BICD1: variants seen among roughly 807,000 people sequenced by gnomAD.
The protein encoded by BICD1 is protein bicaudal D homolog 1.
Under a neutral mutation model 92.5 loss-of-function variants are expected in BICD1, and 35 were observed. That is an observed-to-expected ratio of 0.38 (90% CI 0.29 to 0.50). The LOEUF is 0.50. Ranked by LOEUF, BICD1 falls within the 20% of genes least tolerant of loss-of-function variation. BICD1 has a pLI of 0.93. For missense variants in BICD1, 950 were observed against 1,189.8 expected, an observed-to-expected ratio of 0.80 and a Z score of 2.97; for synonymous variants, 429 against 465.1, an observed-to-expected ratio of 0.92 and a Z score of 1.00.
At chr12:32,188,249 C>T (rs952718487) in intron 1 of BICD1, among the ~76,000 whole-genome samples, 1 of 152,074 alleles carries the variant, frequency 6.6e-6, no homozygotes, top group African/African-American at 2.4e-5. Context: ...ACTATAAATG[C>T]AATTTTATTT....
chr12:32,150,569 T>C (rs1278271546), intron 1 of BICD1, among the ~76,000 whole-genome samples: 3 of 152,196 alleles, frequency 2.0e-5, no homozygotes, highest in African/African-American at 4.8e-5. Flanking sequence ...TCTTTTTAGC[T>C]TTACAAATGC....
intron 2 of BICD1, among the ~76,000 whole-genome samples, chr12:32,249,827 G>A (rs1323535216): frequency 6.6e-6 from 1 of 151,844 alleles, no homozygotes; most frequent in Non-Finnish European, 1.5e-5. Flanking sequence ...ATTTGCAAGT[G>A]ATTTTATTGC....
At chr12:32,188,008 G>T (rs932313194) in intron 1 of BICD1, among the ~76,000 whole-genome samples, 1 of 151,550 alleles carries the variant, frequency 6.6e-6, no homozygotes, top group Admixed American at 6.6e-5. Context: ...GCACGATCTC[G>T]GCTCACTGCA....
In BICD1 at chr12:32,191,103, G is replaced by A. The variant is rs73297258; in HGVS notation, c.214-25144G>A. On this transcript the variant is annotated intron_variant, in intron 1 of 9. Transcript: ENST00000652176. ...CAGCAAAAGCAATTCTAAGAGGGAA[G>A]TTTAGAGGGATAAAGGCCTACATTC... Among the ~76,000 whole-genome samples, 183 of 152,264 alleles carry A rather than the reference G, an allele frequency of 1.2e-3. 1 individual carries two copies. The highest frequency in any genetic ancestry group is 4.4e-3 in the African/African-American group (182 of 41,540).
chr12:32,134,499 T>C (rs1942661468), intron 1 of BICD1, among the ~76,000 whole-genome samples: 1 of 152,084 alleles, frequency 6.6e-6, no homozygotes, highest in Non-Finnish European at 1.5e-5. Context: ...AAAAAGACCT[T>C]CTCTAATGTC....
At chr12:32,137,158 A>G (rs1270320) in intron 1 of BICD1, among the ~76,000 whole-genome samples, 150,233 of 152,286 alleles carry the variant, frequency 0.99, 74,145 homozygotes, top group Middle Eastern at 1. Flanking sequence ...GTGTGATTTC[A>G]GCTCACTGCA....
intron 4 of BICD1, among the ~76,000 whole-genome samples, chr12:32,320,597 C>A (rs768870066): frequency 6.6e-6 from 1 of 152,040 alleles, no homozygotes; most frequent in Non-Finnish European, 1.5e-5. Flanking sequence ...TCCAAGATCA[C>A]GCCACTGCAC....
Position 32,137,659 on chromosome 12 carries a change from G to T in BICD1, c.213+30115G>T, listed in dbSNP as rs377097350. Among the ~76,000 whole-genome samples, 75 of 152,112 alleles carry T rather than the reference G, an allele frequency of 4.9e-4. No homozygotes were observed. The South Asian group carries it at 0.015, about 31-fold the overall frequency. ...TACTGTATCATAATAATACTTAGTC[G>T]TATCAGTTTGATTAAATGCCTCCTT... On this transcript the variant is annotated intron_variant, in intron 1 of 9. Coordinates refer to ENST00000652176, the MANE Select transcript of BICD1 (RefSeq NM_001714.4).
At position 32,379,239 on chromosome 12, in the gene BICD1, A is replaced by C. The variant is rs1312371968; in HGVS notation, c.*1612A>C. 1 of 152,246 alleles carries C rather than the reference A, an allele frequency of 6.6e-6. No homozygotes were observed. The highest frequency in any genetic ancestry group is 1.5e-5 in the Non-Finnish European group (1 of 68,070). The allele number at this position is 152,246 out of a possible 1,614,324, so 9.4% of individuals were successfully genotyped here. On this transcript the variant is annotated 3_prime_UTR_variant, in exon 10 of 10. Transcript: ENST00000652176. ...ATTGAGCGGACATGGGTGGCACAGA[A>C]ATGGAGTGGTCCATCAGAGACCAAA...
At chr12:32,287,786 C>T (rs548798626) in intron 2 of BICD1, among the ~76,000 whole-genome samples, 1 of 152,208 alleles carries the variant, frequency 6.6e-6, no homozygotes, top group Non-Finnish European at 1.5e-5. Context: ...ATCCGCCCGC[C>T]TCGGCCTCCC....
intron 1 of BICD1, among the ~76,000 whole-genome samples, chr12:32,117,711 T>TACACACACACAC (rs747943737): frequency 5.1e-4 from 60 of 117,026 alleles, no homozygotes; most frequent in African/African-American, 1.3e-3. Flanking sequence ...CAAATATATA[T>TACACACACACAC]ACACACACAC....
Position 32,312,620 on chromosome 12 carries a change from A to G in BICD1, c.1005+6498A>G, listed in dbSNP as rs192959253. 2.4e-4 allele frequency among the ~76,000 whole-genome samples: 37 copies of G among 152,316 alleles called. No individual in the cohort carries two copies. In the East Asian group the frequency reaches 6.9e-3, roughly 29 times the overall value. ...CTTTTTCTCAGAATAAATTAGAGTG[A>G]ATATTTTACTGAATTGTATGCCTTC... On this transcript the variant is annotated intron_variant, in intron 4 of 9. Coordinates refer to ENST00000652176, the MANE Select transcript of BICD1 (RefSeq NM_001714.4).
chr12:32,116,484 C>G (rs1229388794), intron 1 of BICD1, among the ~76,000 whole-genome samples: 2 of 114,372 alleles, frequency 1.7e-5, no homozygotes, highest in African/African-American at 3.5e-5. Flanking sequence ...CTCTCTCTCT[C>G]TCTCTCTTTC....
intron 4 of BICD1, among the ~76,000 whole-genome samples, chr12:32,321,920 A>T (rs905683678): frequency 5.3e-5 from 8 of 152,162 alleles, no homozygotes; most frequent in Non-Finnish European, 5.9e-5. Flanking sequence ...AATCACTTGA[A>T]CCTAGAAGGC....
intron 8 of BICD1, among the ~76,000 whole-genome samples, chr12:32,344,710 G>C (rs569923834): frequency 8.5e-5 from 13 of 152,166 alleles, no homozygotes; most frequent in African/African-American, 3.1e-4. Context: ...AAGGAGATCA[G>C]TCAATCTTGA....
chr12:32,226,596 A>T (rs1231331414), intron 2 of BICD1, among the ~76,000 whole-genome samples: 1 of 152,188 alleles, frequency 6.6e-6, no homozygotes, highest in African/African-American at 2.4e-5. Context: ...GCTTAAAGGG[A>T]GAGTGCAGGC....
At chr12:32,255,364 A>G (rs898518692) in intron 2 of BICD1, among the ~76,000 whole-genome samples, 1 of 152,158 alleles carries the variant, frequency 6.6e-6, no homozygotes, top group Admixed American at 6.5e-5. Context: ...GAACTCAAAC[A>G]TTCAGTTCAT....
At chr12:32,365,164 G>C (rs1379429083) in intron 8 of BICD1, among the ~76,000 whole-genome samples, 1 of 152,202 alleles carries the variant, frequency 6.6e-6, no homozygotes, top group Non-Finnish European at 1.5e-5. Context: ...ATGAACCCAG[G>C]AGGCGGAGAT....
At chr12:32,156,294 C>T (rs1943435677) in intron 1 of BICD1, among the ~76,000 whole-genome samples, 1 of 152,216 alleles carries the variant, frequency 6.6e-6, no homozygotes. Context: ...AATGGTGGGA[C>T]AAACATACCT....
Sources: gnomAD v4.1 joint callset for allele counts (sites outside exome capture counted in the v4.1 genomes callset) on GRCh38, gnomAD v4.1.1 for gene constraint, MANE v1.5 for transcripts, NCBI Gene and HGNC (gene_info 2026-07-23, HGNC 2026-07-21) for gene names.